SMYD3: variants seen among roughly 807,000 people sequenced by gnomAD.
SMYD3 encodes histone-lysine N-methyltransferase SMYD3.
A neutral mutation model predicts 57.7 loss-of-function variants in SMYD3; 36 were observed. That is an observed-to-expected ratio of 0.62 (90% CI 0.48 to 0.82). SMYD3 has a LOEUF of 0.82. Ranked by LOEUF, SMYD3 falls within the 40% of genes least tolerant of loss-of-function variation. The probability of loss-of-function intolerance (pLI) is 0.00; values close to 1 mark genes in which losing one functional copy is unlikely to be tolerated. For synonymous variants in SMYD3, 211 were observed against 195.0 expected (o/e 1.08, Z -0.68); for missense variants, 515 against 538.8 (o/e 0.96, Z 0.44).
intron 1 of SMYD3, among the ~76,000 whole-genome samples, chr1:246,436,460 T>C (rs1400983967): frequency 6.6e-6 from 1 of 152,170 alleles, no homozygotes; most frequent in Non-Finnish European, 1.5e-5. Flanking sequence ...GCACAGAGGA[T>C]TCCCATCTAC....
chr1:246,370,143 C>G (rs2066170565), intron 1 of SMYD3, among the ~76,000 whole-genome samples: 1 of 152,176 alleles, frequency 6.6e-6, no homozygotes. Flanking sequence ...CTGATAAACA[C>G]AAACCCCAGG....
intron 5 of SMYD3, among the ~76,000 whole-genome samples, chr1:246,064,283 C>A (rs1462413114): frequency 6.6e-6 from 1 of 152,186 alleles, no homozygotes; most frequent in Non-Finnish European, 1.5e-5. Context: ...AAAACAGGGC[C>A]TTTTTCTGAT....
chr1:245,953,421 T>G, intron 5 of SMYD3: 1 of 874,430 alleles, frequency 1.1e-6, no homozygotes, highest in Non-Finnish European at 1.4e-6. Context: ...AGGGTTCAGT[T>G]TGTTTTGTTT....
chr1:245,869,205 A>C (rs970755198), intron 8 of SMYD3, among the ~76,000 whole-genome samples: 25 of 152,196 alleles, frequency 1.6e-4, no homozygotes, highest in Admixed American at 1.6e-3. Context: ...CATTCATTTA[A>C]ACATCAAATA....
intron 5 of SMYD3, among the ~76,000 whole-genome samples, chr1:246,172,149 C>A (rs1572151757): frequency 6.6e-6 from 1 of 152,338 alleles, no homozygotes; most frequent in East Asian, 1.9e-4. Context: ...AGAACACTCA[C>A]TGTACTCTAC....
chr1:245,816,563 G>GAACAGCTCCAGTC (rs1404612433), intron 10 of SMYD3, among the ~76,000 whole-genome samples: 10 of 148,380 alleles, frequency 6.7e-5, no homozygotes, highest in Admixed American at 2.0e-4. Context: ...GGCCGAATAG[G>GAACAGCTCCAGTC]AACAGCTCCA....
rs546992008 is a variant in SMYD3 at position 245,970,460 on chromosome 1, T to C, written c.532-40523A>G. Among the ~76,000 whole-genome samples, 5 of 152,114 alleles carry C rather than the reference T, an allele frequency of 3.3e-5. No individual in the cohort carries two copies. The East Asian group carries it at 7.7e-4, about 23-fold the overall frequency. On this transcript the variant is annotated intron_variant, in intron 5 of 11. Transcript: ENST00000490107. ...GGCAACAAAAGCCAAAATTGACAAA[T>C]GGGATCTAATTAAACTAAAGAGCTT...
intron 5 of SMYD3, among the ~76,000 whole-genome samples, chr1:246,097,322 TG>T (rs2060933101): frequency 6.6e-6 from 1 of 152,128 alleles, no homozygotes; most frequent in Non-Finnish European, 1.5e-5. Flanking sequence ...TGCCTCACTC[TG>T]GGTGAATTCA....
At chr1:245,795,695 T>C (rs1422015510) in intron 10 of SMYD3, among the ~76,000 whole-genome samples, 1 of 152,166 alleles carries the variant, frequency 6.6e-6, no homozygotes, top group East Asian at 1.9e-4. Context: ...TGCGCTCCAG[T>C]CACCTCCTTT....
chr1:246,451,920 T>TCA (rs565736185), intron 1 of SMYD3, among the ~76,000 whole-genome samples: 125 of 152,300 alleles, frequency 8.2e-4, no homozygotes, highest in African/African-American at 2.8e-3. Context: ...ACATAAATGC[T>TCA]CAATAAATGT....
intron 5 of SMYD3, among the ~76,000 whole-genome samples, chr1:246,147,550 C>T (rs1400988198): frequency 6.6e-6 from 1 of 152,100 alleles, no homozygotes; most frequent in Non-Finnish European, 1.5e-5. Context: ...TGGGTTGGGG[C>T]AGGGGCTCCG....
chr1:246,155,015 T>G (rs762321226), intron 5 of SMYD3, among the ~76,000 whole-genome samples: 6 of 152,000 alleles, frequency 3.9e-5, no homozygotes, highest in Non-Finnish European at 8.8e-5. Flanking sequence ...GCTCCTGACC[T>G]TGTGATCTGC....
At chr1:246,161,088 A>G (rs1286199824) in intron 5 of SMYD3, among the ~76,000 whole-genome samples, 2 of 152,092 alleles carry the variant, frequency 1.3e-5, no homozygotes, top group East Asian at 1.9e-4. Context: ...GGTAAGCCTC[A>G]TTCTCTTTGT....
At chr1:246,021,168 T>C (rs865811360) in intron 5 of SMYD3, among the ~76,000 whole-genome samples, 1 of 152,236 alleles carries the variant, frequency 6.6e-6, no homozygotes, top group Non-Finnish European at 1.5e-5. Context: ...CAGTCTCTGA[T>C]AGAAGTTCCT....
chr1:245,825,280 CA>C, intron 10 of SMYD3, among the ~76,000 whole-genome samples: 1 of 152,196 alleles, frequency 6.6e-6, no homozygotes, highest in Admixed American at 6.5e-5. Flanking sequence ...TGGAAACCCA[CA>C]ACGGCTCCCA....
Position 246,355,642 on chromosome 1 carries a change from T to G in SMYD3, c.165-548A>C, listed in dbSNP as rs562455193. Among the ~76,000 whole-genome samples, 16 of 152,222 alleles carry G rather than the reference T, an allele frequency of 1.1e-4. No individual in the cohort carries two copies. The highest frequency in any genetic ancestry group is 9.2e-4 in the Admixed American group (14 of 15,294). ...GACCAGCCTTTAGGACTGCGGGCTG[T>G]GTGGGAGTGGGATGAGGCCTGTGAC... On this transcript the variant is annotated intron_variant, in intron 1 of 11. Transcript: ENST00000490107. The surrounding 1 kb of genome is among the most constrained non-coding windows in gnomAD (Gnocchi z 5.0).
intron 5 of SMYD3, chr1:245,930,677 T>C (rs555902534): frequency 2.6e-5 from 4 of 152,566 alleles, no homozygotes; most frequent in African/African-American, 9.6e-5. Context: ...AGATTCTGGC[T>C]AAAATCACTG....
At chr1:245,924,654 G>GGTTTTTTTTT (rs1558499827) in intron 7 of SMYD3, among the ~76,000 whole-genome samples, 1 of 115,128 alleles carries the variant, frequency 8.7e-6, no homozygotes. Context: ...CTCTATTCCA[G>GGTTTTTTTTT]CTTTTTTTTT....
intron 5 of SMYD3, among the ~76,000 whole-genome samples, chr1:246,187,279 C>T (rs543183969): frequency 2.9e-4 from 41 of 140,312 alleles, no homozygotes; most frequent in African/African-American, 9.7e-4. Context: ...CAGAGTGAGA[C>T]TCTGTCTCAA....
Sources: gnomAD v4.1 joint callset for allele counts (sites outside exome capture counted in the v4.1 genomes callset) on GRCh38, gnomAD v4.1.1 for gene constraint, Gnocchi (gnomAD v3.1) non-coding constraint, MANE v1.5 for transcripts, NCBI Gene and HGNC (gene_info 2026-07-23, HGNC 2026-07-21) for gene names.